The following ZC3H12B variants were observed in gnomAD, a reference collection of about 807,000 sequenced individuals.
ZC3H12B encodes probable ribonuclease ZC3H12B.
A neutral mutation model predicts 43.9 loss-of-function variants in ZC3H12B; 7 were observed. The observed-to-expected ratio is 0.16, with a 90% CI of 0.09 to 0.30. ZC3H12B has a LOEUF of 0.30. ZC3H12B is among the 10% of genes least tolerant of loss of function. ZC3H12B has a pLI of 1.00. For synonymous variants in ZC3H12B, 222 were observed against 241.7 expected (o/e 0.92, Z 0.76); for missense variants, 475 against 670.2 (o/e 0.71, Z 3.22).
At chrX:65,047,865 C>T in the ZC3H12B span, among the ~76,000 whole-genome samples, 1 of 109,991 alleles carries the variant, frequency 9.1e-6, no homozygotes, top group Non-Finnish European at 1.9e-5. Flanking sequence ...TATATTTAGA[C>T]TAGTTTATAT....
At chrX:65,212,283 TTATAA>T in the ZC3H12B span, among the ~76,000 whole-genome samples, 1 of 49,707 alleles carries the variant, frequency 2.0e-5, no homozygotes, top group Non-Finnish European at 3.2e-5. Flanking sequence ...TATAATATAA[TTATAA>T]TATATTATAT....
the ZC3H12B span, among the ~76,000 whole-genome samples, chrX:65,289,653 C>T: frequency 9.1e-6 from 1 of 109,575 alleles, no homozygotes; most frequent in Admixed American, 9.8e-5. Context: ...AGACATTGAT[C>T]CATGGAACAG....
the ZC3H12B span, among the ~76,000 whole-genome samples, chrX:65,069,970 G>T: frequency 9.0e-6 from 1 of 110,616 alleles, no homozygotes; most frequent in Admixed American, 9.6e-5. Context: ...ATAAATAGTT[G>T]GGGATGAGTC....
At chrX:65,366,807 C>T (rs1342198913) in intron 1 of ZC3H12B, 41 bp downstream of exon 3, 1 of 112,111 alleles carries the variant, frequency 8.9e-6, no homozygotes, top group African/African-American at 3.2e-5. Flanking sequence ...TACATTTGCA[C>T]TATTATGTGA....
intron 3 of ZC3H12B, among the ~76,000 whole-genome samples, chrX:65,410,364 C>T (rs7886034): frequency 0.084 from 9,331 of 111,593 alleles, 1,034 homozygotes; most frequent in African/African-American, 0.29. Context: ...GAAACTACTA[C>T]GAGAAAACAT....
chrX:65,041,083 T>G, the ZC3H12B span, among the ~76,000 whole-genome samples: 2 of 112,790 alleles, frequency 1.8e-5, no homozygotes, highest in African/African-American at 6.4e-5. Context: ...CAGCCACATT[T>G]GTTCTTTTCA....
intron 3 of ZC3H12B, chrX:65,469,351 T>C (rs1228074114): frequency 5.1e-6 from 2 of 390,505 alleles, no homozygotes; most frequent in African/African-American, 2.5e-5. Flanking sequence ...AACCTGCTGG[T>C]CAATGCCAAA....
At chrX:65,444,351 G>A (rs1205481225) in intron 3 of ZC3H12B, among the ~76,000 whole-genome samples, 1 of 111,999 alleles carries the variant, frequency 8.9e-6, no homozygotes, top group Non-Finnish European at 1.9e-5. Context: ...AACCTGGTGG[G>A]AGGTTATCGA....
chrX:65,044,759 G>A, the ZC3H12B span, among the ~76,000 whole-genome samples: 1 of 111,107 alleles, frequency 9.0e-6, no homozygotes, highest in Non-Finnish European at 1.9e-5. Flanking sequence ...TGCAGGTTCA[G>A]TTTCAGATGA....
At chrX:65,249,184 T>C in the ZC3H12B span, among the ~76,000 whole-genome samples, 15,914 of 111,466 alleles carry the variant, frequency 0.14, 2,735 homozygotes, top group African/African-American at 0.49. Context: ...GGTTTTTCAA[T>C]GTTATCTTCT....
chrX:65,104,447 A>C, the ZC3H12B span, among the ~76,000 whole-genome samples: 86 of 112,071 alleles, frequency 7.7e-4, no homozygotes, highest in African/African-American at 2.5e-3. Flanking sequence ...TCTGCTCAGC[A>C]AAAGAAACTA....
the ZC3H12B span, chrX:65,187,214 G>A: frequency 9.0e-6 from 1 of 111,324 alleles, no homozygotes; most frequent in Non-Finnish European, 1.9e-5. Flanking sequence ...CTTTGTTCTT[G>A]CACCTGTTAA....
chrX:65,286,523 G>A, the ZC3H12B span, among the ~76,000 whole-genome samples: 1 of 110,572 alleles, frequency 9.0e-6, no homozygotes, highest in Non-Finnish European at 1.9e-5. Context: ...ATTTACCCAT[G>A]TAACAAACCT....
At chrX:65,341,925 G>T in the ZC3H12B span, among the ~76,000 whole-genome samples, 1 of 111,379 alleles carries the variant, frequency 9.0e-6, no homozygotes, top group African/African-American at 3.3e-5. Context: ...GTGGCTACCT[G>T]AATGTATACA....
chrX:65,306,672 G>A, the ZC3H12B span, among the ~76,000 whole-genome samples: 4 of 111,832 alleles, frequency 3.6e-5, no homozygotes, highest in Non-Finnish European at 7.5e-5. Flanking sequence ...ACTGCGCCCC[G>A]CTCAATCTTA....
the ZC3H12B span, among the ~76,000 whole-genome samples, chrX:65,206,732 G>C: frequency 2.7e-5 from 3 of 111,515 alleles, no homozygotes; most frequent in African/African-American, 9.8e-5. Flanking sequence ...ACAACCCGCA[G>C]AGTGGGAAAA....
intron 2 of ZC3H12B, among the ~76,000 whole-genome samples, chrX:65,374,299 A>T (rs2066314809): frequency 1.1e-5 from 1 of 94,333 alleles, no homozygotes; most frequent in Non-Finnish European, 2.1e-5. Context: ...TATGAAAAGA[A>T]AAACTACCTA....
the ZC3H12B span, among the ~76,000 whole-genome samples, chrX:65,212,309 ATAATTATTATATTT>A: frequency 7.0e-5 from 1 of 14,333 alleles, no homozygotes; most frequent in Non-Finnish European, 1.2e-4. Context: ...AATATATAAT[ATAATTATTATATTT>A]ATATTATATA....
chrX:65,151,388 T>C, the ZC3H12B span, among the ~76,000 whole-genome samples: 1 of 112,101 alleles, frequency 8.9e-6, no homozygotes, highest in African/African-American at 3.2e-5. Context: ...ATAAACCAAG[T>C]TCAGAGAAAA....
Sources: allele counts gnomAD v4.1 joint callset (sites outside exome capture counted in the v4.1 genomes callset), GRCh38; gene constraint gnomAD v4.1.1; transcripts MANE v1.5; gene names NCBI Gene and HGNC (gene_info 2026-07-23, HGNC 2026-07-21).